Variants in CNKSR2 observed in about 807,000 individuals in gnomAD.
CNKSR2 encodes CNK homolog protein 2.
A neutral mutation model predicts 84.4 loss-of-function variants in CNKSR2; 14 were observed. The observed-to-expected ratio is 0.17, with a 90% CI of 0.11 to 0.26. The LOEUF is 0.26. Ranked by LOEUF, CNKSR2 falls within the 10% of genes least tolerant of loss-of-function variation. CNKSR2 has a pLI of 1.00. For missense variants in CNKSR2, 485 were observed against 771.2 expected (o/e 0.63, Z 4.40); for synonymous variants, 275 against 277.9 (o/e 0.99, Z 0.10).
chrX:21,532,135 T>C, intron 11 of CNKSR2, 68 bp downstream of exon 11: 1 of 854,499 alleles, frequency 1.2e-6, no homozygotes, highest in Non-Finnish European at 1.6e-6. Context: ...TTTCCTTTAA[T>C]AAGTTTTTGG....
chrX:21,468,480 G>A (rs1242614566), intron 4 of CNKSR2: 2 of 111,050 alleles, frequency 1.8e-5, no homozygotes, highest in East Asian at 5.7e-4. Context: ...TAAAACAGGA[G>A]CCAACTCCTG....
At chrX:21,652,043 T>G (rs1388975259) in intron 21 of CNKSR2, among the ~76,000 whole-genome samples, 1 of 111,724 alleles carries the variant, frequency 9.0e-6, no homozygotes, top group East Asian at 2.8e-4. Context: ...GAACTGGATC[T>G]TAAAGAACGA....
intron 20 of CNKSR2, among the ~76,000 whole-genome samples, chrX:21,638,981 A>G (rs1161441993): frequency 8.9e-6 from 1 of 111,905 alleles, no homozygotes; most frequent in Non-Finnish European, 1.9e-5. Context: ...TGTGCCCAGC[A>G]TGCCTTTTTC....
intron 1 of CNKSR2, among the ~76,000 whole-genome samples, chrX:21,413,902 A>G (rs1167660799): frequency 1.8e-5 from 2 of 111,196 alleles, no homozygotes; most frequent in Non-Finnish European, 3.8e-5. Context: ...CAGAACTGCA[A>G]CAAACTGCAG....
intron 1 of CNKSR2, chrX:21,421,790 A>C (rs2090500750): frequency 1.8e-5 from 2 of 110,129 alleles, no homozygotes; most frequent in African/African-American, 6.6e-5. Context: ...CTGTCTGGGG[A>C]GCATGATAAA....
intron 5 of CNKSR2, among the ~76,000 whole-genome samples, chrX:21,479,562 G>A (rs1362739624): frequency 1.8e-5 from 2 of 111,172 alleles, no homozygotes; most frequent in Admixed American, 1.9e-4. Flanking sequence ...CTTAAAGGAA[G>A]TTTGATATAA....
At chrX:21,625,030 G>A (rs767305821) in intron 20 of CNKSR2, among the ~76,000 whole-genome samples, 1 of 111,627 alleles carries the variant, frequency 9.0e-6, no homozygotes, top group Non-Finnish European at 1.9e-5. Context: ...TTTTAGAAAA[G>A]CCATTTAATT....
At chrX:21,544,289 A>C (rs1369921841) in intron 11 of CNKSR2, among the ~76,000 whole-genome samples, 1 of 111,480 alleles carries the variant, frequency 9.0e-6, no homozygotes, top group Non-Finnish European at 1.9e-5. Context: ...ATAACACTGC[A>C]AACTGCCCTC....
intron 14 of CNKSR2, 74 bp from the exon 15 acceptor site, chrX:21,590,948 C>T: frequency 1.1e-6 from 1 of 903,366 alleles, no homozygotes; most frequent in Non-Finnish European, 1.5e-6. Flanking sequence ...ACTCATACTT[C>T]TTTTTGGTAT....
intron 18 of CNKSR2, among the ~76,000 whole-genome samples, chrX:21,601,986 A>G (rs2092484878): frequency 8.9e-6 from 1 of 112,341 alleles, no homozygotes; most frequent in African/African-American, 3.2e-5. Context: ...AAAAGAATCC[A>G]CAGATTGACA....
chrX:21,545,017 C>G (rs948135996), intron 11 of CNKSR2, among the ~76,000 whole-genome samples: 2 of 111,172 alleles, frequency 1.8e-5, no homozygotes, highest in Admixed American at 9.5e-5. Context: ...CCATTGACAC[C>G]TGGAATGCCA....
chrX:21,413,541 C>T (rs894710358), intron 1 of CNKSR2, among the ~76,000 whole-genome samples: 2 of 110,651 alleles, frequency 1.8e-5, no homozygotes, highest in African/African-American at 6.6e-5. Flanking sequence ...TATTTGCTGT[C>T]AAAAAGAATG....
chrX:21,380,288 A>C (rs1413823983), intron 1 of CNKSR2, among the ~76,000 whole-genome samples: 1 of 112,004 alleles, frequency 8.9e-6, no homozygotes, highest in African/African-American at 3.2e-5. Flanking sequence ...AAGACAAATC[A>C]TTAACATGTT....
intron 1 of CNKSR2, among the ~76,000 whole-genome samples, chrX:21,399,230 G>A (rs1354142819): frequency 3.6e-5 from 4 of 111,130 alleles, no homozygotes; most frequent in Non-Finnish European, 5.7e-5. Context: ...AAGCATAAAC[G>A]CTGTTTAGAA....
At chrX:21,385,732 C>T (rs992340004) in intron 1 of CNKSR2, among the ~76,000 whole-genome samples, 12 of 111,676 alleles carry the variant, frequency 1.1e-4, no homozygotes, top group African/African-American at 3.9e-4. Context: ...GTAGATGTGA[C>T]GTGAGAGGAA....
intron 12 of CNKSR2, among the ~76,000 whole-genome samples, chrX:21,562,415 A>G (rs780891564): frequency 8.9e-5 from 10 of 112,057 alleles, no homozygotes; most frequent in Non-Finnish European, 1.9e-4. Context: ...ATTACTGCAC[A>G]GATCCGCAGA....
chrX:21,652,336 A>G lies in CNKSR2; in HGVS notation c.2920A>G (p.Lys974Glu). 8.3e-7 allele frequency: 1 copy of G among 1,210,118 alleles called. No individual in the cohort carries two copies. The highest frequency in any genetic ancestry group is 1.1e-6 in the Non-Finnish European group (1 of 894,056). Residue 974 changes from lysine (K) to glutamate (E), a missense_variant, in exon 22 of 22, where the codon AAA becomes GAA. Around this residue, in one of 5 missense-constraint regions of CNKSR2, gnomAD observed 210 missense variants for 291.5 expected, o/e 0.72. Transcript: ENST00000379510. ...AGAAGGGGAAGTAGCCATTATCGAT[A>G]AAGTCCTAGACAATCCAGACTTGAC... ...AREGEVAIID[K>E]VLDNPDLTSK...
chrX:21,406,740 G>A (rs1003220125), intron 1 of CNKSR2, among the ~76,000 whole-genome samples: 51 of 111,381 alleles, frequency 4.6e-4, no homozygotes, highest in African/African-American at 1.5e-3. Flanking sequence ...AGAGGTAGGA[G>A]TAGGGGAGTC....
intron 19 of CNKSR2, among the ~76,000 whole-genome samples, chrX:21,607,513 C>A (rs1569271211): frequency 9.0e-6 from 1 of 111,610 alleles, no homozygotes; most frequent in Non-Finnish European, 1.9e-5. Flanking sequence ...CAATAATATT[C>A]CATGGTCAGG....
Sources: allele counts gnomAD v4.1 joint callset (sites outside exome capture counted in the v4.1 genomes callset), GRCh38; gene constraint gnomAD v4.1.1; regional missense constraint gnomAD v4.1.1; transcripts MANE v1.5; gene names NCBI Gene and HGNC (gene_info 2026-07-23, HGNC 2026-07-21).